The following CCNY variants were observed in gnomAD, a reference collection of about 807,000 sequenced individuals.
The protein encoded by CCNY is cyclin-Y.
A neutral mutation model predicts 42.8 loss-of-function variants in CCNY; 19 were observed. That is an observed-to-expected ratio of 0.44 (90% CI 0.31 to 0.65). The LOEUF (loss-of-function observed/expected upper bound fraction) is 0.65. Ranked by LOEUF, CCNY falls within the 30% of genes least tolerant of loss-of-function variation. The probability of loss-of-function intolerance (pLI) is 0.07; values close to 1 mark genes in which losing one functional copy is unlikely to be tolerated. For missense variants in CCNY, 370 were observed against 437.3 expected, an observed-to-expected ratio of 0.85 and a Z score of 1.37; for synonymous variants, 165 against 162.7, an observed-to-expected ratio of 1.01 and a Z score of -0.11.
rs189413289 is a variant in CCNY, at chr10:35,257,449, C to T, written c.-9+6823C>T. Among the ~76,000 whole-genome samples the T allele has an allele frequency of 1.8e-3, 279 of 152,048 alleles. 1 individual carries two copies. The highest frequency in any genetic ancestry group is 2.3e-3 in the Non-Finnish European group (156 of 67,992). ...CACACCACTACACCTGGCTCTCCCT[C>T]ATTTTTTATCTGGGAAGGTCTTAAT... On this transcript the variant is annotated intron_variant, in intron 3 of 11. Transcript: ENST00000374706.
chr10:35,488,869 TC>T (rs1299200438), intron 2 of CCNY, among the ~76,000 whole-genome samples: 1 of 152,248 alleles, frequency 6.6e-6, no homozygotes, highest in Non-Finnish European at 1.5e-5. Flanking sequence ...TTCATATCAC[TC>T]CTTTATCATC....
intron 3 of CCNY, among the ~76,000 whole-genome samples, chr10:35,290,264 A>ACACACACACACACAC (rs61407161): frequency 4.0e-5 from 6 of 149,088 alleles, no homozygotes; most frequent in Non-Finnish European, 7.4e-5. Flanking sequence ...ACACACACAC[A>ACACACACACACACAC]AAATTAGCTG....
chr10:35,323,880 A>C (rs2135098139), intron 3 of CCNY, among the ~76,000 whole-genome samples: 1 of 152,046 alleles, frequency 6.6e-6, no homozygotes, highest in Non-Finnish European at 1.5e-5. Context: ...TTAGCAGGGC[A>C]TGGTGGGCAC....
intron 3 of CCNY, among the ~76,000 whole-genome samples, chr10:35,326,323 A>G (rs1277705156): frequency 6.6e-6 from 1 of 152,178 alleles, no homozygotes; most frequent in Non-Finnish European, 1.5e-5. Flanking sequence ...GAAAATGCAC[A>G]TACAGTTACT....
At chr10:35,483,082 ACT>A (rs146283287) in intron 1 of CCNY, among the ~76,000 whole-genome samples, 3,483 of 152,120 alleles carry the variant, frequency 0.023, 130 homozygotes, top group African/African-American at 0.079. Flanking sequence ...GTAGCACATA[ACT>A]CTCTTTAATC....
chr10:35,426,929 T>C (rs1838285589), intron 1 of CCNY, among the ~76,000 whole-genome samples: 1 of 152,214 alleles, frequency 6.6e-6, no homozygotes, highest in African/African-American at 2.4e-5. Flanking sequence ...TGAATTATAA[T>C]GAGAAGAAGC....
At chr10:35,360,400 T>C (rs1836658274) in intron 1 of CCNY, among the ~76,000 whole-genome samples, 1 of 151,180 alleles carries the variant, frequency 6.6e-6, no homozygotes. Flanking sequence ...GATCCTCCTG[T>C]CTCAGACTCC....
chr10:35,327,523 A>G (rs1252271813), intron 3 of CCNY, among the ~76,000 whole-genome samples: 1 of 152,188 alleles, frequency 6.6e-6, no homozygotes, highest in Non-Finnish European at 1.5e-5. Flanking sequence ...AAAAATCAGT[A>G]ATATTTTGTG....
chr10:35,273,858 A>G (rs1835204782), intron 3 of CCNY, among the ~76,000 whole-genome samples: 1 of 152,124 alleles, frequency 6.6e-6, no homozygotes. Flanking sequence ...CCTCTAGTAT[A>G]TATAAGGTCT....
intron 3 of CCNY, among the ~76,000 whole-genome samples, chr10:35,308,121 T>A (rs530083014): frequency 1.4e-5 from 2 of 145,998 alleles, no homozygotes; most frequent in East Asian, 4.2e-4. Flanking sequence ...CCGGCCGAGG[T>A]AGTAATAATT....
rs1467639923 is a variant in CCNY at position 35,351,346 on chromosome 10, A to G, written c.154+14139A>G. Among the ~76,000 whole-genome samples, 3 of 152,330 alleles carry G rather than the reference A, an allele frequency of 2.0e-5. No homozygotes were observed. In the East Asian group the frequency reaches 5.8e-4, roughly 29 times the overall value. ...ATTTAGGCAAAGCTGCCAAACCTTGATTACTTTCTCTGTATTCTTTTGGTA... is the reference window on the plus strand; with the variant it reads ...ATTTAGGCAAAGCTGCCAAACCTTGGTTACTTTCTCTGTATTCTTTTGGTA... On this transcript the variant is annotated intron_variant, in intron 1 of 9. Coordinates refer to ENST00000374704, the MANE Select transcript of CCNY (RefSeq NM_145012.6).
intron 1 of CCNY, among the ~76,000 whole-genome samples, chr10:35,382,073 T>C (rs1339777007): frequency 1.3e-5 from 2 of 152,220 alleles, no homozygotes; most frequent in Non-Finnish European, 2.9e-5. Context: ...TTAAAAAATA[T>C]TCCTTCCTGG....
At chr10:35,517,712 TC>T (rs1840458662) in intron 4 of CCNY, among the ~76,000 whole-genome samples, 2 of 152,202 alleles carry the variant, frequency 1.3e-5, no homozygotes, top group South Asian at 2.1e-4. Context: ...TGCAGCCTCT[TC>T]CTTACTTCCT....
At chr10:35,379,654 T>C (rs952857774) in intron 1 of CCNY, among the ~76,000 whole-genome samples, 2 of 152,192 alleles carry the variant, frequency 1.3e-5, no homozygotes, top group Admixed American at 1.3e-4. Context: ...TCAGCTGATT[T>C]AGAATGTTGG....
intron 1 of CCNY, among the ~76,000 whole-genome samples, chr10:35,467,515 T>C (rs762324396): frequency 1.3e-5 from 2 of 152,248 alleles, no homozygotes. Flanking sequence ...AGGAATGAAA[T>C]TGATTTCTAT....
At chr10:35,313,585 G>C (rs983184322) in intron 3 of CCNY, among the ~76,000 whole-genome samples, 1 of 151,506 alleles carries the variant, frequency 6.6e-6, no homozygotes, top group Non-Finnish European at 1.5e-5. Flanking sequence ...GCTCCACCCA[G>C]TGTGCCCAAG....
intron 1 of CCNY, among the ~76,000 whole-genome samples, chr10:35,345,401 G>A (rs1461608820): frequency 1.3e-5 from 2 of 151,488 alleles, no homozygotes; most frequent in South Asian, 2.1e-4. Context: ...CCCAGGAGGC[G>A]GAGCTTGCAG....
rs1841626464 is a variant in CCNY at position 35,568,909 on chromosome 10, A to G, written c.910-145A>G. On this transcript the variant is annotated intron_variant, in intron 9 of 9. Transcript: ENST00000374704. ...ACTCCCTTCGTATCTCCCTGCTGCC[A>G]GCAGAGAGCTGGGCTCTGGGCCGGA... is the stretch of plus-strand genomic sequence containing the variant. 10 of 649,144 alleles carry G rather than the reference A, an allele frequency of 1.5e-5. 1 individual carries two copies. The South Asian group carries it at 1.8e-4, about 12-fold the overall frequency. The allele number at this position is 649,144 out of a possible 1,614,324, so 40.2% of individuals were successfully genotyped here. A position where few individuals can be genotyped will look rare whatever the true frequency, so the allele number is the denominator to read the frequency against.
chr10:35,555,763 G>A (rs1252122886), intron 8 of CCNY, among the ~76,000 whole-genome samples: 1 of 152,150 alleles, frequency 6.6e-6, no homozygotes, highest in Non-Finnish European at 1.5e-5. Flanking sequence ...ACACAGAGAA[G>A]TTAAAACAGT....
Sources: gnomAD v4.1 joint callset for allele counts (sites outside exome capture counted in the v4.1 genomes callset) on GRCh38, gnomAD v4.1.1 for gene constraint, MANE v1.5 for transcripts, NCBI Gene and HGNC (gene_info 2026-07-23, HGNC 2026-07-21) for gene names.